OR52E5: variants seen among roughly 807,000 people sequenced by gnomAD.
OR52E5 encodes olfactory receptor 52E5.
At position 5,901,923 on chromosome 11, in the gene OR52E5, C is replaced by A. The variant is rs1847261435; in HGVS notation, c.*163C>A. The A allele has an allele frequency of 2.5e-6, 1 of 395,416 alleles. No homozygotes were observed. The highest frequency in any genetic ancestry group is 4.5e-6 in the Non-Finnish European group (1 of 222,964). 24.5% of individuals were successfully genotyped at this position (395,416 alleles called of 1,614,324 possible). On this transcript the variant is annotated 3_prime_UTR_variant, in exon 3 of 3. Transcript: ENST00000610445. ...TCCAAAACAATCTCTCTGTTTCACC[C>A]ATTAAAAGTGCAAAAAGTACTCACA...
At position 5,901,848 on chromosome 11, in the gene OR52E5, C is replaced by T. The variant is rs1318406476; in HGVS notation, c.*88C>T. 1.0e-5 allele frequency: 4 copies of T among 399,192 alleles called. No homozygotes were observed. Among genetic ancestry groups the T allele is most frequent in the Non-Finnish European group, 1.8e-5 (4 of 225,806 alleles). 24.7% of individuals were successfully genotyped at this position (399,192 alleles called of 1,614,324 possible). A position where few individuals can be genotyped will look rare whatever the true frequency, so the allele number is the denominator to read the frequency against. On this transcript the variant is annotated 3_prime_UTR_variant, in exon 3 of 3. Coordinates refer to ENST00000610445, the MANE Select transcript of OR52E5 (RefSeq NM_001005166.5). ...TGAGCCAATAGCATTATATCCCCTA[C>T]AACGTCTCATGATTTCAGTACGGTC...
intron 2 of OR52E5, among the ~76,000 whole-genome samples, chr11:5,898,995 G>A (rs1847214018): frequency 6.6e-6 from 1 of 152,082 alleles, no homozygotes. Flanking sequence ...GAATTTCATA[G>A]GAATTTCATA....
chr11:5,898,558 G>A (rs1349789914), intron 2 of OR52E5, among the ~76,000 whole-genome samples: 2 of 152,074 alleles, frequency 1.3e-5, no homozygotes, highest in Non-Finnish European at 1.5e-5. Context: ...GGTCTTTTAG[G>A]ATTTTTGTAG....
intron 2 of OR52E5, among the ~76,000 whole-genome samples, chr11:5,898,790 C>A (rs1049682727): frequency 6.6e-6 from 1 of 152,104 alleles, no homozygotes; most frequent in African/African-American, 2.4e-5. Flanking sequence ...TTCTGTTCCA[C>A]TGATTTTTGT....
At chr11:5,896,407 T>A (rs1199326332) in intron 2 of OR52E5, among the ~76,000 whole-genome samples, 2 of 122,122 alleles carry the variant, frequency 1.6e-5, no homozygotes, top group Admixed American at 1.8e-4. Flanking sequence ...GGCGACAGAG[T>A]GGGACACTGT....
chr11:5,899,187 G>A (rs1418305607), intron 2 of OR52E5, among the ~76,000 whole-genome samples: 1 of 151,992 alleles, frequency 6.6e-6, no homozygotes, highest in African/African-American at 2.4e-5. Flanking sequence ...TTATTGTGTG[G>A]CTATTTTAAA....
intron 1 of OR52E5, among the ~76,000 whole-genome samples, chr11:5,893,521 T>A (rs2134285672): frequency 6.6e-6 from 1 of 152,060 alleles, no homozygotes; most frequent in Non-Finnish European, 1.5e-5. Flanking sequence ...AAGAGCATTC[T>A]GAGAGTTAAA....
chr11:5,893,360 C>A (rs553753770), intron 1 of OR52E5, 90 bp downstream of exon 1: 1 of 151,992 alleles, frequency 6.6e-6, no homozygotes, highest in Non-Finnish European at 1.5e-5. Flanking sequence ...TCCAGTGACT[C>A]GGCCAGAGTC....
At position 5,902,569 on chromosome 11, in the gene OR52E5, G is replaced by A. The variant is rs748757411; in HGVS notation, c.*809G>A. On this transcript the variant is annotated 3_prime_UTR_variant, in exon 3 of 3. Transcript: ENST00000610445. ...AAGCTTGAAGAGTTAACAGGTTTCTGTCTTGGGCTTAAGGACTCAGGGAAA... is the reference window on the plus strand; with the variant it reads ...AAGCTTGAAGAGTTAACAGGTTTCTATCTTGGGCTTAAGGACTCAGGGAAA... 1 of 152,196 alleles carries A rather than the reference G, an allele frequency of 6.6e-6. No individual in the cohort carries two copies. The highest frequency in any genetic ancestry group is 1.5e-5 in the Non-Finnish European group (1 of 68,040). The allele number at this position is 152,196 out of a possible 1,614,324, so 9.4% of individuals were successfully genotyped here. A position where few individuals can be genotyped will look rare whatever the true frequency, so the allele number is the denominator to read the frequency against.
rs16926729 is a variant in OR52E5 at position 5,901,136 on chromosome 11, G to C, written c.360G>C (p.Thr120=). The change falls in exon 3 of 3, where the codon ACG becomes ACC. Residue 120 remains threonine, a synonymous_variant. Coordinates refer to ENST00000610445, the MANE Select transcript of OR52E5 (RefSeq NM_001005166.5). ...TGGAGTCTGTGGTACTGACAGTCAC[G>C]GGCATAGATCGCTATATTGCCATCT... ...TGLESVVLTV[T]GIDRYIAICN... 5 of 401,228 alleles carry C rather than the reference G, an allele frequency of 1.2e-5. No homozygotes were observed. Among genetic ancestry groups the C allele is most frequent in the Middle Eastern group, 3.1e-4 (1 of 3,238 alleles). The allele number at this position is 401,228 out of a possible 1,614,324, so 24.9% of individuals were successfully genotyped here.
At chr11:5,896,819 C>T (rs569713888) in intron 2 of OR52E5, among the ~76,000 whole-genome samples, 1 of 152,236 alleles carries the variant, frequency 6.6e-6, no homozygotes, top group African/African-American at 2.4e-5. Flanking sequence ...GTTTTTAATT[C>T]CCTGGCCTGA....
At chr11:5,900,141 G>C (rs888280075) in intron 2 of OR52E5, among the ~76,000 whole-genome samples, 1 of 152,062 alleles carries the variant, frequency 6.6e-6, no homozygotes, top group African/African-American at 2.4e-5. Context: ...ATAGTGAAGG[G>C]CCTTTGAAGT....
chr11:5,901,782 A>G lies in OR52E5; in HGVS notation c.*22A>G, dbSNP rs1410180289. On this transcript the variant is annotated 3_prime_UTR_variant, in exon 3 of 3. Transcript: ENST00000610445. Reference sequence around the variant, plus strand: ...ATAATGAGATCATAACAAAATAAACACTGGAAACATTTTTTTTACTACTTC... The same window carrying G: ...ATAATGAGATCATAACAAAATAAACGCTGGAAACATTTTTTTTACTACTTC... 2.5e-6 allele frequency: 1 copy of G among 399,908 alleles called. No homozygotes were observed. Among genetic ancestry groups the G allele is most frequent in the Non-Finnish European group, 4.4e-6 (1 of 226,118 alleles). The allele number at this position is 399,908 out of a possible 1,614,324, so 24.8% of individuals were successfully genotyped here.
At position 5,900,949 on chromosome 11, in the gene OR52E5, A is replaced by C. The variant is rs929511201; in HGVS notation, c.173A>C (p.His58Pro). The stretch of plus-strand genomic sequence containing the variant: ...GTGATACAGACTGAACAGAGCCTCC[A>C]CCAACCCATGTTTTACTTCCTAGCC... The part of the protein sequence containing the change: ...LFVIQTEQSL[H>P]QPMFYFLAML... The change falls in exon 3 of 3, where the codon CAC becomes CCC. Residue 58 changes from histidine (H) to proline (P), a missense_variant. His to Pro is a moderately conservative substitution (Grantham distance 77, BLOSUM62 -2). Transcript: ENST00000610445. The C allele has an allele frequency of 2.5e-6, 1 of 401,422 alleles. No homozygotes were observed. The highest frequency in any genetic ancestry group is 4.4e-6 in the Non-Finnish European group (1 of 226,266). The allele number at this position is 401,422 out of a possible 1,614,324, so 24.9% of individuals were successfully genotyped here. A position where few individuals can be genotyped will look rare whatever the true frequency, so the allele number is the denominator to read the frequency against.
At chr11:5,899,409 C>A in intron 2 of OR52E5, among the ~76,000 whole-genome samples, 1 of 152,104 alleles carries the variant, frequency 6.6e-6, no homozygotes, top group Non-Finnish European at 1.5e-5. Flanking sequence ...GGAAGCAATT[C>A]CACACCATGA....
intron 1 of OR52E5, among the ~76,000 whole-genome samples, chr11:5,893,471 A>G (rs975246740): frequency 2.0e-5 from 3 of 152,178 alleles, no homozygotes; most frequent in African/African-American, 7.2e-5. Flanking sequence ...ACTATTACTT[A>G]AGGACATGAT....
intron 2 of OR52E5, 71 bp from the exon 3 acceptor site, chr11:5,900,561 T>TC (rs1847235685): frequency 2.7e-6 from 1 of 374,720 alleles, no homozygotes; most frequent in East Asian, 3.8e-5. Context: ...CTGCATGGTT[T>TC]CCTGTGTAAG....
Position 5,895,712 on chromosome 11 carries a change from A to G in OR52E5, c.-147A>G, listed in dbSNP as rs541476885. 6.6e-6 allele frequency: 1 copy of G among 152,364 alleles called. No individual in the cohort carries two copies. Among genetic ancestry groups the G allele is most frequent in the Admixed American group, 6.5e-5 (1 of 15,302 alleles). The allele number at this position is 152,364 out of a possible 1,614,324, so 9.4% of individuals were successfully genotyped here. ...GAGGAAACACAATAACTGAAAAACC[A>G]AGTAAGACAATTTGGTAATAATTCA... On this transcript the variant is annotated splice_region_variant and 5_prime_UTR_variant, in exon 2 of 3. Transcript: ENST00000610445.
At chr11:5,897,682 T>C (rs1847194133) in intron 2 of OR52E5, among the ~76,000 whole-genome samples, 2 of 152,236 alleles carry the variant, frequency 1.3e-5, no homozygotes, top group Non-Finnish European at 2.9e-5. Context: ...TATTTTTAGT[T>C]CCTTGGGAAA....
Sources: gnomAD v4.1 joint callset for allele counts (sites outside exome capture counted in the v4.1 genomes callset) on GRCh38, gnomAD v4.1.1 for gene constraint, MANE v1.5 for transcripts, NCBI Gene and HGNC (gene_info 2026-07-23, HGNC 2026-07-21) for gene names.